The following SLC6A15 variants were observed in gnomAD, a reference collection of about 807,000 sequenced individuals.
The protein encoded by SLC6A15 is sodium-dependent neutral amino acid transporter B(0)AT2.
SLC6A15 carries 33 observed loss-of-function variants against 68.5 expected under a neutral mutation model. The ratio of observed to expected loss-of-function variants is 0.48; its 90% CI spans 0.37 to 0.64. The LOEUF is 0.64. Among genes scored for constraint, SLC6A15 ranks in the 30% least tolerant of loss-of-function variants. The pLI, the probability that SLC6A15 is intolerant of heterozygous loss-of-function variation, is 0.00. For missense variants in SLC6A15, 747 were observed against 874.3 expected, an observed-to-expected ratio of 0.85 and a Z score of 1.84; for synonymous variants, 347 against 301.0, an observed-to-expected ratio of 1.15 and a Z score of -1.58.
intron 1 of SLC6A15, among the ~76,000 whole-genome samples, chr12:84,900,432 A>G (rs920686007): frequency 6.6e-6 from 1 of 151,700 alleles, no homozygotes; most frequent in African/African-American, 2.4e-5. Context: ...TTTTATAATT[A>G]TTTACTTTTA....
intron 10 of SLC6A15, among the ~76,000 whole-genome samples, chr12:84,866,200 G>A (rs1018924273): frequency 2.0e-5 from 3 of 152,146 alleles, no homozygotes; most frequent in Non-Finnish European, 4.4e-5. Flanking sequence ...TGAGCTTGGT[G>A]ATCTTACTAC....
At chr12:84,886,590 G>GAA (rs1249613761) in intron 2 of SLC6A15, among the ~76,000 whole-genome samples, 2 of 126,374 alleles carry the variant, frequency 1.6e-5, no homozygotes. Flanking sequence ...GACTGAAAAA[G>GAA]AAAAAAAAAA....
At chr12:84,888,714 A>G (rs778757177) in intron 2 of SLC6A15, among the ~76,000 whole-genome samples, 5 of 152,156 alleles carry the variant, frequency 3.3e-5, no homozygotes, top group Non-Finnish European at 7.4e-5. Context: ...TCACCACTAT[A>G]TAATTCATTT....
chr12:84,862,736 T>C (rs1870905262), intron 11 of SLC6A15, among the ~76,000 whole-genome samples: 2 of 152,192 alleles, frequency 1.3e-5, no homozygotes, highest in Admixed American at 6.5e-5. Context: ...TTTGCTAATA[T>C]ATATTTTTCA....
intron 5 of SLC6A15, among the ~76,000 whole-genome samples, chr12:84,877,071 C>G (rs1871581198): frequency 6.6e-6 from 1 of 152,066 alleles, no homozygotes; most frequent in African/African-American, 2.4e-5. Context: ...CTTCCAGAAC[C>G]CAAACAATCA....
In SLC6A15 at chr12:84,873,067, A is replaced by T. The variant is rs745442670; in HGVS notation, c.1109+20T>A. 24 of 1,602,894 alleles carry T rather than the reference A, an allele frequency of 1.5e-5. No individual in the cohort carries two copies. The highest frequency in any genetic ancestry group is 2.0e-5 in the Non-Finnish European group (24 of 1,175,666). On this transcript the variant is annotated intron_variant, in intron 7 of 11. Coordinates refer to ENST00000266682, the MANE Select transcript of SLC6A15 (RefSeq NM_182767.6). The stretch of plus-strand genomic sequence containing the variant: ...AGATAAAAACTAAGAAAAAAGGCAA[A>T]TGGAAATTAATATTCATACTGTGTA...
intron 6 of SLC6A15, 51 bp from the exon 7 acceptor site, chr12:84,873,379 T>A (rs748377042): frequency 1.9e-6 from 3 of 1,581,340 alleles, no homozygotes; most frequent in Non-Finnish European, 2.6e-6. Context: ...TGTTTCAGAA[T>A]AATTAATTTT....
chr12:84,893,814 A>T (rs905469066), intron 1 of SLC6A15, among the ~76,000 whole-genome samples: 10 of 152,196 alleles, frequency 6.6e-5, no homozygotes, highest in African/African-American at 2.4e-4. Context: ...TTTTAAAATT[A>T]AAATATATAC....
At chr12:84,866,962 G>C in intron 10 of SLC6A15, 72 bp downstream of exon 10, 1 of 1,282,924 alleles carries the variant, frequency 7.8e-7, no homozygotes, top group South Asian at 1.7e-5. Flanking sequence ...TCTTCTAAAT[G>C]AAATGAACAT....
chr12:84,890,744 T>C (rs1249070085), intron 2 of SLC6A15, among the ~76,000 whole-genome samples: 1 of 152,182 alleles, frequency 6.6e-6, no homozygotes, highest in African/African-American at 2.4e-5. Context: ...AAAATTTACA[T>C]ACGCATGGGT....
intron 5 of SLC6A15, chr12:84,882,510 T>G: frequency 1.1e-6 from 1 of 882,400 alleles, no homozygotes. Context: ...CTAAAATTTT[T>G]AATTAAATAT....
At chr12:84,882,515 A>T in intron 5 of SLC6A15, 1 of 876,960 alleles carries the variant, frequency 1.1e-6, no homozygotes, top group Non-Finnish European at 1.4e-6. Flanking sequence ...ATTTTTAATT[A>T]AATATAAAGT....
chr12:84,893,439 A>G (rs1872511780), intron 1 of SLC6A15, among the ~76,000 whole-genome samples: 1 of 151,902 alleles, frequency 6.6e-6, no homozygotes, highest in African/African-American at 2.4e-5. Flanking sequence ...CTTTATTTGT[A>G]TGTTACGTCT....
chr12:84,884,129 T>C (rs1272407613), intron 4 of SLC6A15, 89 bp from the exon 5 acceptor site: 10 of 1,039,102 alleles, frequency 9.6e-6, no homozygotes, highest in Non-Finnish European at 1.4e-5. Context: ...AGTGAATTCT[T>C]AATGCTTCCT....
At position 84,872,934 on chromosome 12, in the gene SLC6A15, C is replaced by A. The variant is rs1048878015; in HGVS notation, c.1110-140G>T. The A allele has an allele frequency of 2.3e-5, 28 of 1,206,342 alleles. 1 individual carries two copies. The highest frequency in any genetic ancestry group is 8.3e-5 in the Admixed American group (3 of 35,994). The allele number at this position is 1,206,342 out of a possible 1,614,324, so 74.7% of individuals were successfully genotyped here. On this transcript the variant is annotated intron_variant, in intron 7 of 11. Transcript: ENST00000266682. Reference sequence around the variant, plus strand: ...GATTAATGTTTGAGGTGATGACTATCCCATTTACCCAGATTTGACCATTAT... The same window carrying A: ...GATTAATGTTTGAGGTGATGACTATACCATTTACCCAGATTTGACCATTAT...
Position 84,885,902 on chromosome 12 carries a change from G to A in SLC6A15, c.447+9C>T. 6.3e-7 allele frequency: 1 copy of A among 1,593,926 alleles called. No homozygotes were observed. Among genetic ancestry groups the A allele is most frequent in the East Asian group, 2.2e-5 (1 of 44,516 alleles). ...AGATTACAGCATACACCAACAAAAG[G>A]AAACTTACTACACAACTTGCAAATC... On this transcript the variant is annotated intron_variant, in intron 3 of 11. Transcript: ENST00000266682.
At chr12:84,873,689 G>T (rs907966728) in intron 6 of SLC6A15, among the ~76,000 whole-genome samples, 1 of 152,044 alleles carries the variant, frequency 6.6e-6, no homozygotes, top group Non-Finnish European at 1.5e-5. Flanking sequence ...AGCAAAACAG[G>T]TCAATTACCA....
At chr12:84,887,662 C>CA (rs1457571956) in intron 2 of SLC6A15, among the ~76,000 whole-genome samples, 1 of 152,006 alleles carries the variant, frequency 6.6e-6, no homozygotes, top group Non-Finnish European at 1.5e-5. Context: ...ACATCTGCAT[C>CA]AAATCTTAGA....
intron 7 of SLC6A15, 88 bp downstream of exon 7, chr12:84,872,999 A>C (rs1871355044): frequency 6.9e-7 from 1 of 1,451,712 alleles, no homozygotes; most frequent in Admixed American, 2.3e-5. Flanking sequence ...TGTATCTCAT[A>C]AATATGTATA....
Sources: gnomAD v4.1 joint callset for allele counts (sites outside exome capture counted in the v4.1 genomes callset) on GRCh38, gnomAD v4.1.1 for gene constraint, MANE v1.5 for transcripts, NCBI Gene and HGNC (gene_info 2026-07-23, HGNC 2026-07-21) for gene names.